The following BEST1 variants were observed in gnomAD, a reference collection of about 807,000 sequenced individuals.
BEST1 encodes bestrophin-1.
Under a neutral mutation model 63.3 loss-of-function variants are expected in BEST1, and 58 were observed. That is an observed-to-expected ratio of 0.92 (90% CI 0.74 to 1.14). The LOEUF (loss-of-function observed/expected upper bound fraction) is 1.14. Among genes scored for constraint, BEST1 ranks in the 50% most tolerant of loss-of-function variants. The pLI, the probability that BEST1 is intolerant of heterozygous loss-of-function variation, is 0.00. For synonymous variants in BEST1, 283 were observed against 291.6 expected (o/e 0.97, Z 0.30); for missense variants, 671 against 740.1 (o/e 0.91, Z 1.08).
Position 61,955,835 on chromosome 11 carries a change from G to T in BEST1, c.365G>T (p.Arg122Leu), listed in dbSNP as rs767103810. ...GTCGAAGGCAAGGACGAGCAAGGCC[G>T]GCTGCTGCGGCGCACGCTCATCCGC... The part of the protein sequence containing the change: ...GFVEGKDEQG[R>L]LLRRTLIRYA... The change falls in exon 4 of 11, where the codon CGG (arginine) becomes CTG (leucine). Residue 122 changes from arginine to leucine, a missense_variant. By Grantham distance (102) the Arg-to-Leu change is moderately radical (BLOSUM62 -2). Transcript: ENST00000378043. 6.4e-7 allele frequency: 1 copy of T among 1,550,464 alleles called. No homozygotes were observed. Among genetic ancestry groups the T allele is most frequent in the South Asian group, 1.2e-5 (1 of 84,062 alleles).
chr11:61,962,412 C>A lies in BEST1; in HGVS notation c.1258C>A (p.Leu420Ile), dbSNP rs1338182453. 7.4e-6 allele frequency: 12 copies of A among 1,614,210 alleles called. No homozygotes were observed. Among genetic ancestry groups the A allele is most frequent in the Non-Finnish European group, 1.0e-5 (12 of 1,180,036 alleles). ...ACTACTGTGGCCCAAGAGGGAATCC[C>A]TTCTCCACGAGGGCCTGCCCAAAAA... is the stretch of plus-strand genomic sequence containing the variant. Reference protein sequence around the residue: ...TKLLWPKRESLLHEGLPKNHK... With the variant: ...TKLLWPKRESILHEGLPKNHK... Residue 420 changes from leucine (L) to isoleucine (I), a missense_variant, in exon 10 of 11, where the codon CTT becomes ATT. Coordinates refer to ENST00000378043, the MANE Select transcript of BEST1 (RefSeq NM_004183.4).
chr11:61,958,211 AGCCAAG>A lies in BEST1; in HGVS notation c.784_789del (p.Lys262_Ala263del). Reference sequence around the variant, plus strand: ...TAGTTGGGCGGCAGTTTCTGAACCCAGCCAAGGCCTACCCTGGCCATGAGCTGGACC... The same window carrying A: ...TAGTTGGGCGGCAGTTTCTGAACCCAGCCTACCCTGGCCATGAGCTGGACC... On this transcript the variant is annotated inframe_deletion, in exon 7 of 11. Transcript: ENST00000378043. 1.2e-6 allele frequency: 2 copies of A among 1,614,122 alleles called. No individual in the cohort carries two copies. The highest frequency in any genetic ancestry group is 8.5e-7 in the Non-Finnish European group (1 of 1,180,008).
At chr11:61,951,743 A>G in intron 1 of BEST1, 28 bp from the exon 2 acceptor site, 2 of 1,600,072 alleles carry the variant, frequency 1.2e-6, no homozygotes, top group Non-Finnish European at 1.7e-6. Flanking sequence ...ATCCCTACAA[A>G]CCCCCAATCG....
intron 2 of BEST1, among the ~76,000 whole-genome samples, chr11:61,953,541 C>A (rs928186913): frequency 1.3e-5 from 2 of 152,188 alleles, no homozygotes; most frequent in African/African-American, 4.8e-5. Context: ...TGAACCCAAT[C>A]TCTACTAAAA....
At chr11:61,952,024 G>A (rs1795972393) in intron 2 of BEST1, 66 bp downstream of exon 2, 5 of 1,577,210 alleles carry the variant, frequency 3.2e-6, no homozygotes, top group Non-Finnish European at 3.5e-6. Context: ...AGCTCCTGGG[G>A]GCCTCCCAGC....
In BEST1 at chr11:61,964,156, G is replaced by T. The variant is rs1485838608; in HGVS notation, c.*34G>T. Reference sequence around the variant, plus strand: ...CTAATGGGGATGCTTCGCCAGCCAGGTCCTCACCTGTGTGTACACCAGCAG... The same window carrying T: ...CTAATGGGGATGCTTCGCCAGCCAGTTCCTCACCTGTGTGTACACCAGCAG... On this transcript the variant is annotated 3_prime_UTR_variant, in exon 11 of 11. Transcript: ENST00000378043. 2 of 1,613,530 alleles carry T rather than the reference G, an allele frequency of 1.2e-6. No individual in the cohort carries two copies. Among genetic ancestry groups the T allele is most frequent in the Non-Finnish European group, 1.7e-6 (2 of 1,179,962 alleles).
chr11:61,955,550 A>G, intron 3 of BEST1, 168 bp from the exon 4 acceptor site: 2 of 1,006,800 alleles, frequency 2.0e-6, no homozygotes, highest in East Asian at 2.6e-5. Context: ...TCGCGCCTCC[A>G]TGCGAGGCTC....
chr11:61,962,499 G>T lies in BEST1; in HGVS notation c.1345G>T (p.Ala449Ser). 1 of 1,614,182 alleles carries T rather than the reference G, an allele frequency of 6.2e-7. No individual in the cohort carries two copies. The highest frequency in any genetic ancestry group is 8.5e-7 in the Non-Finnish European group (1 of 1,180,028). ...QEDNKAWKLKAVDAFKSAPLY... is the reference protein window; with the variant it reads ...QEDNKAWKLKSVDAFKSAPLY... ...AGACAACAAGGCCTGGAAGCTTAAG[G>T]CTGTGGACGCCTTCAAGTCTGCCCC... The change falls in exon 10 of 11, where the codon GCT (alanine) becomes TCT (serine). Residue 449 changes from alanine to serine, a missense_variant. Transcript: ENST00000378043.
At chr11:61,963,877 C>T (rs2134479025) in intron 10 of BEST1, 2 of 1,332,634 alleles carry the variant, frequency 1.5e-6, no homozygotes, top group Non-Finnish European at 2.0e-6. Flanking sequence ...TCGTGGTGTG[C>T]CTGTAGTCCC....
chr11:61,960,992 T>C (rs1942007944), intron 9 of BEST1: 1 of 152,046 alleles, frequency 6.6e-6, no homozygotes, highest in Non-Finnish European at 1.5e-5. Flanking sequence ...TCTTCCACGG[T>C]ATCCAGTGCT....
intron 10 of BEST1, 184 bp downstream of exon 10, chr11:61,963,077 G>A (rs767813711): frequency 2.7e-5 from 40 of 1,484,928 alleles, no homozygotes; most frequent in Admixed American, 2.4e-4. Flanking sequence ...TCCTAGGGAA[G>A]TGTTCGGGAC....
chr11:61,955,679 C>G (rs1332900300), intron 3 of BEST1, 39 bp from the exon 4 acceptor site: 1 of 1,529,188 alleles, frequency 6.5e-7, no homozygotes, highest in East Asian at 2.4e-5. Context: ...TGGCCGCAGC[C>G]TGGCCCCTCG....
rs764237648 is a variant in BEST1, at chr11:61,960,008, T to A, written c.1065T>A (p.Arg355=). ...PPYTAASAQF[R]RASFMGSTFN... Reference sequence around the variant, plus strand: ...ACACAGCTGCTTCCGCCCAGTTCCGTCGAGCCTCCTTTATGGGCTCCACCT... The same window carrying A: ...ACACAGCTGCTTCCGCCCAGTTCCGACGAGCCTCCTTTATGGGCTCCACCT... The change falls in exon 9 of 11, where the codon CGT becomes CGA. Residue 355 remains arginine, a synonymous_variant. Coordinates refer to ENST00000378043, the MANE Select transcript of BEST1 (RefSeq NM_004183.4). 13 of 1,610,802 alleles carry A rather than the reference T, an allele frequency of 8.1e-6. No homozygotes were observed. The highest frequency in any genetic ancestry group is 2.2e-5 in the East Asian group (1 of 44,824).
Position 61,955,093 on chromosome 11 carries a change from A to ACCCC in BEST1, c.153-12_153-9dup. 8.6e-7 allele frequency: 1 copy of ACCCC among 1,166,964 alleles called. No individual in the cohort carries two copies. 72.3% of individuals were successfully genotyped at this position (1,166,964 alleles called of 1,614,324 possible). On this transcript the variant is annotated splice_polypyrimidine_tract_variant and intron_variant, in intron 2 of 10. Coordinates refer to ENST00000378043, the MANE Select transcript of BEST1 (RefSeq NM_004183.4). ...GCTGCGTCCACACAATTCCACCCCCACCCCCACCCCCAGGCTGGCCCTCAC... is the reference window on the plus strand; with the variant it reads ...GCTGCGTCCACACAATTCCACCCCCACCCCCCCCCACCCCCAGGCTGGCCCTCAC...
intron 6 of BEST1, 130 bp downstream of exon 6, chr11:61,957,594 G>A: frequency 1.2e-6 from 1 of 862,086 alleles, no homozygotes; most frequent in Non-Finnish European, 1.9e-6. Flanking sequence ...ACACTTTGAA[G>A]TTGGGTCTGG....
rs766059700 is a variant in BEST1 at position 61,959,884 on chromosome 11, G to C, written c.949-8G>C. The stretch of plus-strand genomic sequence containing the variant: ...TTCTGTGGGACTTCTTCTGTCCCTG[G>C]TGACCAGGTGTCCCTGTTGGCTGTG... On this transcript the variant is annotated splice_region_variant and splice_polypyrimidine_tract_variant and intron_variant, in intron 8 of 10. Transcript: ENST00000378043. 3.1e-6 allele frequency: 5 copies of C among 1,613,624 alleles called. No individual in the cohort carries two copies. In the African/African-American group the frequency reaches 6.7e-5, roughly 22 times the overall value.
In BEST1 at chr11:61,962,516, G is replaced by A. The variant is rs1405765102; in HGVS notation, c.1362G>A (p.Lys454=). 6.2e-7 allele frequency: 1 copy of A among 1,614,068 alleles called. No homozygotes were observed. Among genetic ancestry groups the A allele is most frequent in the African/African-American group, 1.3e-5 (1 of 74,932 alleles). ...AWKLKAVDAF[K]SAPLYQRPGY... The stretch of plus-strand genomic sequence containing the variant: ...AGCTTAAGGCTGTGGACGCCTTCAA[G>A]TCTGCCCCACTGTATCAGAGGCCAG... The change falls in exon 10 of 11, where the codon AAG becomes AAA. Residue 454 remains lysine (K), a synonymous_variant. Coordinates refer to ENST00000378043, the MANE Select transcript of BEST1 (RefSeq NM_004183.4).
chr11:61,959,807 A>G (rs1448896145), intron 8 of BEST1, 85 bp from the exon 9 acceptor site: 6 of 1,563,122 alleles, frequency 3.8e-6, no homozygotes, highest in Non-Finnish European at 4.4e-6. Context: ...AGAGAGAGGG[A>G]GAGATTCCTC....
chr11:61,955,503 G>A (rs1323343217), intron 3 of BEST1: 3 of 1,103,082 alleles, frequency 2.7e-6, no homozygotes, highest in South Asian at 1.7e-5. Flanking sequence ...TCTGGGACCA[G>A]CAGGGGGACC....
Sources: allele counts gnomAD v4.1 joint callset (sites outside exome capture counted in the v4.1 genomes callset), GRCh38; gene constraint gnomAD v4.1.1; transcripts MANE v1.5; gene names NCBI Gene and HGNC (gene_info 2026-07-23, HGNC 2026-07-21).